ADK: variants seen among roughly 807,000 people sequenced by gnomAD.
ADK encodes N6,N6-dimethyladenosine kinase.
Under a neutral mutation model 44.7 loss-of-function variants are expected in ADK, and 24 were observed. The ratio of observed to expected loss-of-function variants is 0.54; its 90% CI spans 0.39 to 0.76. The LOEUF (loss-of-function observed/expected upper bound fraction) is 0.76. Ranked by LOEUF, ADK falls within the 30% of genes least tolerant of loss-of-function variation. The pLI is 0.00. For synonymous variants in ADK, 128 were observed against 142.6 expected (o/e 0.90, Z 0.73); for missense variants, 321 against 425.1 (o/e 0.76, Z 2.15).
chr10:74,498,311 G>T (rs891697675), intron 6 of ADK, among the ~76,000 whole-genome samples: 1 of 152,134 alleles, frequency 6.6e-6, no homozygotes, highest in African/African-American at 2.4e-5. Flanking sequence ...CACTGATCAG[G>T]TTTCCATGAT....
chr10:74,166,979 A>C (rs1328847618), intron 1 of ADK, among the ~76,000 whole-genome samples: 1 of 152,204 alleles, frequency 6.6e-6, no homozygotes, highest in Non-Finnish European at 1.5e-5. Flanking sequence ...TGTATAGACT[A>C]AAATGTTTTC....
chr10:74,540,236 A>G (rs1482711979), intron 7 of ADK, among the ~76,000 whole-genome samples: 2 of 152,184 alleles, frequency 1.3e-5, no homozygotes, highest in East Asian at 3.8e-4. Context: ...CAAGTAAAGA[A>G]AAACACTGTG....
At chr10:74,235,928 G>C (rs1457474658) in intron 3 of ADK, among the ~76,000 whole-genome samples, 1 of 152,218 alleles carries the variant, frequency 6.6e-6, no homozygotes, top group African/African-American at 2.4e-5. Context: ...CTTGCTTGCT[G>C]TTTGCCTTCT....
intron 9 of ADK, among the ~76,000 whole-genome samples, chr10:74,644,705 T>C (rs1187353783): frequency 6.6e-6 from 1 of 152,110 alleles, no homozygotes; most frequent in Non-Finnish European, 1.5e-5. Context: ...AATTTTTTAA[T>C]TTTTTTGTAG....
chr10:74,347,199 GT>G, intron 4 of ADK, among the ~76,000 whole-genome samples: 1 of 149,630 alleles, frequency 6.7e-6, no homozygotes, highest in East Asian at 2.0e-4. Flanking sequence ...AACACAGAAG[GT>G]GGGTGATTTC....
intron 3 of ADK, among the ~76,000 whole-genome samples, chr10:74,247,223 A>AG (rs1564616110): frequency 2.2e-4 from 17 of 78,198 alleles, no homozygotes; most frequent in African/African-American, 6.8e-4. Context: ...TTTTTTTTTA[A>AG]GTTTTTTTTT....
intron 1 of ADK, among the ~76,000 whole-genome samples, chr10:74,185,057 C>T (rs565463493): frequency 4.6e-5 from 7 of 152,186 alleles, no homozygotes; most frequent in Admixed American, 1.3e-4. Context: ...GAGATAATAG[C>T]GATACCTATC....
intron 9 of ADK, among the ~76,000 whole-genome samples, chr10:74,621,778 A>T (rs1392430959): frequency 6.6e-6 from 1 of 152,142 alleles, no homozygotes; most frequent in African/African-American, 2.4e-5. Flanking sequence ...ATAATAAATT[A>T]TAGAGCTTCT....
At chr10:74,432,205 T>G (rs1010643457) in intron 6 of ADK, among the ~76,000 whole-genome samples, 2 of 152,174 alleles carry the variant, frequency 1.3e-5, no homozygotes, top group Non-Finnish European at 2.9e-5. Context: ...AAAATAAAAG[T>G]AGCACAAACA....
intron 9 of ADK, among the ~76,000 whole-genome samples, chr10:74,669,724 AAC>A (rs1855101530): frequency 6.6e-6 from 1 of 152,244 alleles, no homozygotes; most frequent in Non-Finnish European, 1.5e-5. Flanking sequence ...TCTATAAAGA[AAC>A]ACCCAATATT....
intron 7 of ADK, among the ~76,000 whole-genome samples, chr10:74,539,430 A>C (rs1019279369): frequency 9.2e-5 from 14 of 152,174 alleles, no homozygotes; most frequent in Admixed American, 4.6e-4. Context: ...TTCTTTCTTC[A>C]TATCAGAATA....
intron 9 of ADK, among the ~76,000 whole-genome samples, chr10:74,668,352 A>C (rs1855045902): frequency 6.6e-6 from 1 of 152,156 alleles, no homozygotes; most frequent in Non-Finnish European, 1.5e-5. Flanking sequence ...AGAAAATGTA[A>C]TTCTGGATAT....
chr10:74,639,339 A>G (rs983036079), intron 9 of ADK, among the ~76,000 whole-genome samples: 2 of 152,234 alleles, frequency 1.3e-5, no homozygotes, highest in African/African-American at 4.8e-5. Flanking sequence ...TGGAATTTAA[A>G]TAATCAAAAG....
chr10:74,366,703 G>A (rs967276856), intron 4 of ADK, among the ~76,000 whole-genome samples: 1 of 152,176 alleles, frequency 6.6e-6, no homozygotes, highest in Non-Finnish European at 1.5e-5. Flanking sequence ...GCTGAGGCAG[G>A]TGGATCACTT....
At chr10:74,346,319 G>A (rs1419100570) in intron 4 of ADK, among the ~76,000 whole-genome samples, 3 of 150,788 alleles carry the variant, frequency 2.0e-5, no homozygotes, top group Non-Finnish European at 4.4e-5. Context: ...ATTATTGATA[G>A]AATGGCTATA....
intron 4 of ADK, among the ~76,000 whole-genome samples, chr10:74,370,272 C>T (rs1418832587): frequency 6.6e-6 from 1 of 152,142 alleles, no homozygotes; most frequent in African/African-American, 2.4e-5. Flanking sequence ...AATCCCTATA[C>T]TACTGTTAAA....
chr10:74,308,072 C>T (rs536783269), intron 3 of ADK, among the ~76,000 whole-genome samples: 188 of 152,248 alleles, frequency 1.2e-3, no homozygotes, highest in Middle Eastern at 3.4e-3. Context: ...ACCTAATGCA[C>T]TTATCATGCA....
At chr10:74,240,139 C>T (rs1845148801) in intron 3 of ADK, among the ~76,000 whole-genome samples, 1 of 152,042 alleles carries the variant, frequency 6.6e-6, no homozygotes, top group Non-Finnish European at 1.5e-5. Context: ...ATCAGCCTCC[C>T]AAGTAGCTGG....
chr10:74,601,518 T>G (rs986357200), intron 9 of ADK, among the ~76,000 whole-genome samples: 1 of 152,146 alleles, frequency 6.6e-6, no homozygotes, highest in African/African-American at 2.4e-5. Flanking sequence ...CAAAAAATAT[T>G]TGCTTCAAAG....
Sources: gnomAD v4.1 joint callset for allele counts (sites outside exome capture counted in the v4.1 genomes callset) on GRCh38, gnomAD v4.1.1 for gene constraint, MANE v1.5 for transcripts, NCBI Gene and HGNC (gene_info 2026-07-23, HGNC 2026-07-21) for gene names.